ITGB6: variants seen among roughly 807,000 people sequenced by gnomAD.
ITGB6 encodes integrin beta-6.
In ITGB6, 80 loss-of-function variants were observed where a neutral mutation model predicts 84.5. The ratio of observed to expected loss-of-function variants is 0.95; its 90% confidence interval spans 0.79 to 1.14. ITGB6 has a LOEUF of 1.14. Ranked by LOEUF, ITGB6 falls within the 50% of genes most tolerant of loss-of-function variation. ITGB6 has a pLI of 0.00. For synonymous variants in ITGB6, 383 were observed against 354.9 expected, an observed-to-expected ratio of 1.08 and a Z score of -0.89; for missense variants, 1,006 against 968.0, an observed-to-expected ratio of 1.04 and a Z score of -0.52.
intron 4 of ITGB6, among the ~76,000 whole-genome samples, chr2:160,184,713 T>C (rs375076481): frequency 1.5e-4 from 23 of 152,242 alleles, no homozygotes; most frequent in African/African-American, 5.5e-4. Context: ...TGATGAACAT[T>C]GACGCGAAAA....
chr2:160,170,986 C>T (rs1487322592), intron 6 of ITGB6, among the ~76,000 whole-genome samples: 1 of 152,090 alleles, frequency 6.6e-6, no homozygotes, highest in Non-Finnish European at 1.5e-5. Flanking sequence ...GCTATCCTCA[C>T]TGATATTGTA....
At chr2:160,122,218 C>G (rs1486186610) in intron 12 of ITGB6, among the ~76,000 whole-genome samples, 1 of 151,942 alleles carries the variant, frequency 6.6e-6, no homozygotes, top group East Asian at 1.9e-4. Context: ...ATAATTTAGT[C>G]AAATACACAA....
chr2:160,146,316 G>T (rs1321542606), intron 7 of ITGB6, among the ~76,000 whole-genome samples: 1 of 152,136 alleles, frequency 6.6e-6, no homozygotes, highest in Non-Finnish European at 1.5e-5. Context: ...TAAAGAATTT[G>T]TAAAACCAAA....
chr2:160,101,714 T>C lies in ITGB6; in HGVS notation c.*22A>G. The C allele has an allele frequency of 7.7e-7, 1 of 1,302,828 alleles. No individual in the cohort carries two copies. The allele number at this position is 1,302,828 out of a possible 1,614,324, so 80.7% of individuals were successfully genotyped here. A position where few individuals can be genotyped will look rare whatever the true frequency, so the allele number is the denominator to read the frequency against. Reference sequence around the variant, plus strand: ...AACATTTCATATCAGTGAAACAGACTTTTTTCATGCATAAAGTAGTTCTAG... The same window carrying C: ...AACATTTCATATCAGTGAAACAGACCTTTTTCATGCATAAAGTAGTTCTAG... On this transcript the variant is annotated 3_prime_UTR_variant, in exon 15 of 15. Coordinates refer to ENST00000283249, the MANE Select transcript of ITGB6 (RefSeq NM_000888.5).
At chr2:160,168,719 G>C (rs183470839) in intron 7 of ITGB6, among the ~76,000 whole-genome samples, 1 of 152,204 alleles carries the variant, frequency 6.6e-6, no homozygotes, top group East Asian at 1.9e-4. Flanking sequence ...ATTGTATTTT[G>C]GCCCCATATA....
rs1329841823 is a variant in ITGB6, at chr2:160,100,810, AT to A, written c.*925del. 6.6e-6 allele frequency: 1 copy of A among 152,212 alleles called. No individual in the cohort carries two copies. Among genetic ancestry groups the A allele is most frequent in the African/African-American group, 2.4e-5 (1 of 41,468 alleles). The allele number at this position is 152,212 out of a possible 1,614,324, so 9.4% of individuals were successfully genotyped here. A position where few individuals can be genotyped will look rare whatever the true frequency, so the allele number is the denominator to read the frequency against. On this transcript the variant is annotated 3_prime_UTR_variant, in exon 15 of 15. Transcript: ENST00000283249. ...TGTGCTTGATTTAGAGCCATTTAAA[AT>A]TTTATTGTGTTTAACACATGTTCCT...
At position 160,099,995 on chromosome 2, in the gene ITGB6, T is replaced by C. The variant is rs979837757; in HGVS notation, c.*1741A>G. 6.6e-6 allele frequency: 1 copy of C among 152,192 alleles called. No individual in the cohort carries two copies. The allele number at this position is 152,192 out of a possible 1,614,324, so 9.4% of individuals were successfully genotyped here. ...CAGCATTGCAACCTGTATATTGCTG[T>C]AGATTTCCCCCAGGTTCTGCGCATC... is the stretch of plus-strand genomic sequence containing the variant. On this transcript the variant is annotated 3_prime_UTR_variant, in exon 15 of 15. Transcript: ENST00000283249.
intron 7 of ITGB6, among the ~76,000 whole-genome samples, chr2:160,146,902 A>G (rs1050044429): frequency 6.6e-6 from 1 of 151,976 alleles, no homozygotes; most frequent in Non-Finnish European, 1.5e-5. Flanking sequence ...GGGGTTCGAG[A>G]CCAGCCAGGT....
chr2:160,114,960 C>G (rs1030249640), intron 12 of ITGB6, among the ~76,000 whole-genome samples: 2 of 152,242 alleles, frequency 1.3e-5, no homozygotes, highest in African/African-American at 4.8e-5. Context: ...GGGCACCTGC[C>G]ATTGCCCAGG....
At chr2:160,155,417 A>G (rs1034250154) in intron 7 of ITGB6, among the ~76,000 whole-genome samples, 1 of 152,222 alleles carries the variant, frequency 6.6e-6, no homozygotes, top group South Asian at 2.1e-4. Flanking sequence ...CATAAAGTGT[A>G]CAACACCAAG....
Position 160,179,547 on chromosome 2 carries a change from AT to A in ITGB6, c.594-5409del, listed in dbSNP as rs575984830. Among the ~76,000 whole-genome samples, 1,189 of 136,600 alleles carry A rather than the reference AT, an allele frequency of 8.7e-3. 9 individuals are homozygous for A. Among genetic ancestry groups the A allele is most frequent in the Non-Finnish European group, 0.01 (649 of 62,456 alleles). The allele number at this position is 136,600 out of a possible 152,430, so 89.6% of individuals were successfully genotyped here. A position where few individuals can be genotyped will look rare whatever the true frequency, so the allele number is the denominator to read the frequency against. On this transcript the variant is annotated intron_variant, in intron 4 of 14. Coordinates refer to ENST00000283249, the MANE Select transcript of ITGB6 (RefSeq NM_000888.5). ...AGGCATGCACCACCACGTCCAGCTA[AT>A]TTTTTTTTTTTTTTTGGTATTTTTA...
chr2:160,154,129 C>T (rs893285145), intron 7 of ITGB6, among the ~76,000 whole-genome samples: 6 of 152,296 alleles, frequency 3.9e-5, no homozygotes, highest in African/African-American at 1.4e-4. Context: ...AAGACACATG[C>T]ACATGTATGT....
chr2:160,122,482 A>G (rs1683082381), intron 12 of ITGB6, among the ~76,000 whole-genome samples: 1 of 152,142 alleles, frequency 6.6e-6, no homozygotes, highest in Admixed American at 6.5e-5. Context: ...TTTCTCAGAA[A>G]CACTTGGTAA....
At chr2:160,117,458 G>C (rs1265304459) in intron 12 of ITGB6, among the ~76,000 whole-genome samples, 9 of 152,272 alleles carry the variant, frequency 5.9e-5, no homozygotes, top group Admixed American at 6.5e-5. Context: ...GATGTTCTTT[G>C]AAACCAGCGA....
chr2:160,159,731 G>A (rs1684750936), intron 7 of ITGB6, among the ~76,000 whole-genome samples: 1 of 152,032 alleles, frequency 6.6e-6, no homozygotes, highest in Non-Finnish European at 1.5e-5. Context: ...CCTTCAGCTC[G>A]CTTCCTCATT....
Position 160,172,598 on chromosome 2 carries a change from T to C in ITGB6, c.892A>G (p.Lys298Glu). Residue 298 changes from lysine (K) to glutamate (E), a missense_variant, in exon 6 of 15, where the codon AAG (lysine) becomes GAG (glutamate). By Grantham distance (56) the Lys-to-Glu change is moderately conservative (BLOSUM62 1). Coordinates refer to ENST00000283249, the MANE Select transcript of ITGB6 (RefSeq NM_000888.5). The part of the protein sequence containing the change: ...PNDGLCHLDS[K>E]NEYSMSTVLE... ...ACAGTTGACATGGAGTATTCATTCT[T>C]GCTGTCCAAGTGACAGAGCCCGTCA... 6.2e-7 allele frequency: 1 copy of C among 1,609,578 alleles called. No homozygotes were observed. Among genetic ancestry groups the C allele is most frequent in the Non-Finnish European group, 8.5e-7 (1 of 1,176,202 alleles).
chr2:160,106,117 AT>A lies in ITGB6; in HGVS notation c.2268+1561del, dbSNP rs533880367. ...CTCCTTCAGTATGCATCTCTAAAAA[AT>A]ATGGATATTTTCTAGCAATGTCACC... is the stretch of plus-strand genomic sequence containing the variant. On this transcript the variant is annotated intron_variant, in intron 14 of 14. Coordinates refer to ENST00000283249, the MANE Select transcript of ITGB6 (RefSeq NM_000888.5). Among the ~76,000 whole-genome samples, 11 of 152,346 alleles carry A rather than the reference AT, an allele frequency of 7.2e-5. No homozygotes were observed. The East Asian group carries it at 1.2e-3, about 16-fold the overall frequency.
chr2:160,130,542 A>T (rs1398420344), intron 10 of ITGB6, among the ~76,000 whole-genome samples: 1 of 152,176 alleles, frequency 6.6e-6, no homozygotes, highest in Non-Finnish European at 1.5e-5. Flanking sequence ...TTATTTGTCT[A>T]ATGAAAGATG....
At chr2:160,139,699 A>T (rs1683918164) in intron 8 of ITGB6, among the ~76,000 whole-genome samples, 1 of 152,204 alleles carries the variant, frequency 6.6e-6, no homozygotes, top group African/African-American at 2.4e-5. Context: ...CAAGGAAAGG[A>T]CATAAACACT....
Sources: gnomAD v4.1 joint callset for allele counts (sites outside exome capture counted in the v4.1 genomes callset) on GRCh38, gnomAD v4.1.1 for gene constraint, MANE v1.5 for transcripts, NCBI Gene and HGNC (gene_info 2026-07-23, HGNC 2026-07-21) for gene names.